The following FRMD4A variants were observed in gnomAD, a reference collection of about 807,000 sequenced individuals.
FRMD4A encodes FERM domain-containing protein 4A.
FRMD4A carries 29 observed loss-of-function variants against 129.1 expected under a neutral mutation model. That is an observed-to-expected ratio of 0.22 (90% confidence interval 0.17 to 0.31). FRMD4A has a LOEUF of 0.31. FRMD4A is among the 10% of genes least tolerant of loss of function. The probability of loss-of-function intolerance (pLI) is 1.00; values close to 1 mark genes in which losing one functional copy is unlikely to be tolerated. For synonymous variants in FRMD4A, 634 were observed against 571.6 expected (o/e 1.11, Z -1.56); for missense variants, 1,272 against 1,375.8 (o/e 0.92, Z 1.19).
chr10:14,214,031 C>G (rs1440098584), intron 2 of FRMD4A, among the ~76,000 whole-genome samples: 6 of 152,248 alleles, frequency 3.9e-5, no homozygotes, highest in Non-Finnish European at 8.8e-5. Flanking sequence ...TTCCCCTGCA[C>G]AAGCTCTCTT....
At chr10:13,848,067 T>C (rs2094079487) in intron 3 of FRMD4A, among the ~76,000 whole-genome samples, 1 of 152,176 alleles carries the variant, frequency 6.6e-6, no homozygotes, top group African/African-American at 2.4e-5. Flanking sequence ...AGAACTGCAT[T>C]GTGAGTTGAG....
intron 2 of FRMD4A, among the ~76,000 whole-genome samples, chr10:13,925,819 G>C (rs950677919): frequency 6.6e-6 from 1 of 150,530 alleles, no homozygotes; most frequent in African/African-American, 2.4e-5. Flanking sequence ...TCCTGACCTC[G>C]TGATCTGCCC....
intron 2 of FRMD4A, among the ~76,000 whole-genome samples, chr10:14,233,533 C>T (rs951851714): frequency 7.2e-5 from 11 of 152,212 alleles, no homozygotes; most frequent in Non-Finnish European, 1.2e-4. Flanking sequence ...GAGATTGTGC[C>T]ACTGCATTCC....
intron 2 of FRMD4A, among the ~76,000 whole-genome samples, chr10:14,279,389 G>A (rs756847988): frequency 9.2e-5 from 14 of 151,670 alleles, no homozygotes; most frequent in Non-Finnish European, 1.6e-4. Context: ...AGTAGAGATG[G>A]GGTTTCACCA....
chr10:14,028,460 G>A (rs1656062924), intron 2 of FRMD4A, among the ~76,000 whole-genome samples: 1 of 152,148 alleles, frequency 6.6e-6, no homozygotes. Flanking sequence ...GGGGAGAAGA[G>A]GCTGTTGCCC....
At chr10:13,721,140 C>T (rs961594818) in intron 12 of FRMD4A, among the ~76,000 whole-genome samples, 1 of 152,236 alleles carries the variant, frequency 6.6e-6, no homozygotes, top group East Asian at 1.9e-4. Context: ...CCTACTGAAT[C>T]CTAGTCTGGA....
rs78155157 is a variant in FRMD4A, at chr10:13,645,730, T to C, written c.*1308A>G. The C allele has an allele frequency of 3.7e-3, 569 of 152,648 alleles. 4 individuals carry two copies. Among genetic ancestry groups the C allele is most frequent in the Non-Finnish European group, 6.8e-3 (460 of 68,014 alleles). 9.5% of individuals were successfully genotyped at this position (152,648 alleles called of 1,614,324 possible). A position where few individuals can be genotyped will look rare whatever the true frequency, so the allele number is the denominator to read the frequency against. Reference sequence around the variant, plus strand: ...CAAATCTTTCTACCTAAGGGCATAGTTGGGTTCTTGGAATAAGTGACACAT... The same window carrying C: ...CAAATCTTTCTACCTAAGGGCATAGCTGGGTTCTTGGAATAAGTGACACAT... On this transcript the variant is annotated 3_prime_UTR_variant, in exon 25 of 25. Coordinates refer to ENST00000357447, the MANE Select transcript of FRMD4A (RefSeq NM_018027.5).
At chr10:13,818,228 CATA>C (rs1259523218) in intron 3 of FRMD4A, among the ~76,000 whole-genome samples, 2 of 100,142 alleles carry the variant, frequency 2.0e-5, no homozygotes, top group African/African-American at 3.5e-5. Flanking sequence ...GCAGTGGTGC[CATA>C]ATATCTCACT....
At chr10:13,887,051 G>C (rs944618365) in intron 2 of FRMD4A, among the ~76,000 whole-genome samples, 1 of 152,182 alleles carries the variant, frequency 6.6e-6, no homozygotes, top group African/African-American at 2.4e-5. Context: ...TGAATGGCTG[G>C]AGCTCTACCT....
intron 2 of FRMD4A, among the ~76,000 whole-genome samples, chr10:14,293,081 G>C (rs1453055255): frequency 6.6e-6 from 1 of 152,128 alleles, no homozygotes; most frequent in East Asian, 1.9e-4. Context: ...ATGTGCAAAA[G>C]GTATTGCTAT....
chr10:14,210,085 A>G (rs528481696), intron 2 of FRMD4A, among the ~76,000 whole-genome samples: 1 of 152,330 alleles, frequency 6.6e-6, no homozygotes, highest in East Asian at 1.9e-4. Flanking sequence ...CTGTTGTTTG[A>G]AGCCACCAAG....
chr10:14,134,015 G>A lies in FRMD4A; in HGVS notation c.45+196043C>T, dbSNP rs183849189. On this transcript the variant is annotated intron_variant, in intron 2 of 24. Transcript: ENST00000357447. ...CTATCTTGTGAAGCCTCTGAGTCTC[G>A]GCCAGGCTGGGTTCTCCTCTTTGCT... Among the ~76,000 whole-genome samples the A allele has an allele frequency of 3.6e-3, 543 of 152,252 alleles. 2 individuals are homozygous for A. The highest frequency in any genetic ancestry group is 3.0e-3 in the Non-Finnish European group (204 of 68,024).
intron 2 of FRMD4A, among the ~76,000 whole-genome samples, chr10:13,863,308 G>A (rs1442672993): frequency 1.3e-5 from 2 of 152,162 alleles, no homozygotes; most frequent in African/African-American, 2.4e-5. Context: ...CTGGCCTGGC[G>A]TGGTGGCTCA....
intron 2 of FRMD4A, among the ~76,000 whole-genome samples, chr10:14,225,834 G>T (rs1426289784): frequency 2.0e-5 from 3 of 152,158 alleles, no homozygotes; most frequent in Non-Finnish European, 4.4e-5. Flanking sequence ...TGAATAAACT[G>T]GCGTTTGGGT....
At chr10:13,690,489 G>A (rs373686752) in intron 15 of FRMD4A, among the ~76,000 whole-genome samples, 1 of 152,228 alleles carries the variant, frequency 6.6e-6, no homozygotes, top group Admixed American at 6.5e-5. Flanking sequence ...CCTGTTTGCA[G>A]TGCGTCCCCC....
At chr10:14,186,186 C>A (rs185382702) in intron 2 of FRMD4A, among the ~76,000 whole-genome samples, 1 of 152,160 alleles carries the variant, frequency 6.6e-6, no homozygotes, top group African/African-American at 2.4e-5. Flanking sequence ...GCTAAAACTC[C>A]CTCCTCTTAT....
At chr10:13,924,720 G>A (rs2095110327) in intron 2 of FRMD4A, among the ~76,000 whole-genome samples, 1 of 151,974 alleles carries the variant, frequency 6.6e-6, no homozygotes. Context: ...CTGAGCATGG[G>A]CACGGACATG....
chr10:13,995,002 G>A (rs2095617439), intron 2 of FRMD4A, among the ~76,000 whole-genome samples: 1 of 152,168 alleles, frequency 6.6e-6, no homozygotes, highest in African/African-American at 2.4e-5. Context: ...TTAAGATAAA[G>A]GATTAGGTCT....
intron 2 of FRMD4A, among the ~76,000 whole-genome samples, chr10:14,244,524 A>T (rs1844165222): frequency 6.6e-6 from 1 of 152,236 alleles, no homozygotes; most frequent in African/African-American, 2.4e-5. Flanking sequence ...TGACATTTAT[A>T]TTATAATTTG....
Sources: allele counts gnomAD v4.1 joint callset (sites outside exome capture counted in the v4.1 genomes callset), GRCh38; gene constraint gnomAD v4.1.1; transcripts MANE v1.5; gene names NCBI Gene and HGNC (gene_info 2026-07-23, HGNC 2026-07-21).